The following FBXW7 variants were observed in gnomAD, a reference collection of about 807,000 sequenced individuals.
FBXW7 encodes F-box/WD repeat-containing protein 7.
Under a neutral mutation model 86.3 loss-of-function variants are expected in FBXW7, and 11 were observed. That is an observed-to-expected ratio of 0.13 (90% CI 0.08 to 0.21). FBXW7 has a LOEUF of 0.21. Among genes scored for constraint, FBXW7 ranks in the 10% least tolerant of loss-of-function variants. FBXW7 has a pLI of 1.00. For synonymous variants in FBXW7, 313 were observed against 297.9 expected (o/e 1.05, Z -0.52); for missense variants, 488 against 847.4 (o/e 0.58, Z 5.27).
intron 4 of FBXW7, among the ~76,000 whole-genome samples, chr4:152,370,046 C>G (rs1733872511): frequency 6.6e-6 from 1 of 151,852 alleles, no homozygotes; most frequent in Non-Finnish European, 1.5e-5. Context: ...CTCACAAATT[C>G]AGACAAGATT....
At chr4:152,501,131 T>C (rs1746906850) in intron 2 of FBXW7, among the ~76,000 whole-genome samples, 1 of 152,236 alleles carries the variant, frequency 6.6e-6, no homozygotes, top group Non-Finnish European at 1.5e-5. Flanking sequence ...AAGCCTTTGA[T>C]ATATTAATGT....
At chr4:152,382,306 GT>G in intron 4 of FBXW7, 1 of 1,589,942 alleles carries the variant, frequency 6.3e-7, no homozygotes, top group Non-Finnish European at 8.6e-7. Context: ...CCAAGCCATG[GT>G]TTAGAGTAGG....
intron 4 of FBXW7, among the ~76,000 whole-genome samples, chr4:152,364,180 G>A (rs1733245929): frequency 6.6e-6 from 1 of 152,110 alleles, no homozygotes; most frequent in Non-Finnish European, 1.5e-5. Flanking sequence ...CTTATAATCT[G>A]TGACATTATA....
intron 6 of FBXW7, among the ~76,000 whole-genome samples, chr4:152,342,768 A>G (rs887767824): frequency 1.3e-5 from 2 of 152,252 alleles, no homozygotes; most frequent in Non-Finnish European, 2.9e-5. Context: ...CTCAAAGAAC[A>G]TAATTCAGGT....
At chr4:152,357,157 A>G (rs1732462125) in intron 4 of FBXW7, among the ~76,000 whole-genome samples, 1 of 152,146 alleles carries the variant, frequency 6.6e-6, no homozygotes, top group Non-Finnish European at 1.5e-5. Context: ...CCCAAACACT[A>G]AACACTGTAA....
At chr4:152,436,878 C>T (rs1740429551) in intron 2 of FBXW7, among the ~76,000 whole-genome samples, 1 of 152,164 alleles carries the variant, frequency 6.6e-6, no homozygotes, top group African/African-American at 2.4e-5. Context: ...TGAAAGATTC[C>T]TTTCAAATAT....
intron 4 of FBXW7, among the ~76,000 whole-genome samples, chr4:152,400,031 A>G (rs1468773151): frequency 6.6e-6 from 1 of 152,200 alleles, no homozygotes; most frequent in Non-Finnish European, 1.5e-5. Context: ...TGGGAGATAG[A>G]CACTCTCCAA....
rs561620529 is a variant in FBXW7, at chr4:152,343,556, T to G, written c.726+3374A>C. On this transcript the variant is annotated intron_variant, in intron 6 of 13. Transcript: ENST00000281708. ...TGTTTTTAAGAGACAATGTCAAAAT[T>G]TGAACTAAGAACTTGTCCTTCTATG... Among the ~76,000 whole-genome samples, 3 of 152,304 alleles carry G rather than the reference T, an allele frequency of 2.0e-5. No homozygotes were observed. In the South Asian group the frequency reaches 6.2e-4, roughly 32 times the overall value.
chr4:152,399,655 C>T (rs1163697616), intron 4 of FBXW7, among the ~76,000 whole-genome samples: 2 of 152,102 alleles, frequency 1.3e-5, no homozygotes, highest in African/African-American at 4.8e-5. Context: ...TTTTCCTACA[C>T]ACCAGCAATG....
At chr4:152,521,191 A>T (rs1480111754) in intron 2 of FBXW7, among the ~76,000 whole-genome samples, 1 of 152,182 alleles carries the variant, frequency 6.6e-6, no homozygotes, top group Non-Finnish European at 1.5e-5. Context: ...GAAAAGAAAA[A>T]TACAAATAAG....
At position 152,535,890 on chromosome 4, in the gene FBXW7, GA is replaced by G; in HGVS notation, c.-977del. The G allele has an allele frequency of 2.7e-6, 1 of 370,960 alleles. No homozygotes were observed. Among genetic ancestry groups the G allele is most frequent in the Non-Finnish European group, 4.8e-6 (1 of 208,160 alleles). 23.0% of individuals were successfully genotyped at this position (370,960 alleles called of 1,614,324 possible). On this transcript the variant is annotated 5_prime_UTR_variant, in exon 1 of 14. Transcript: ENST00000281708. ...CTGCCGGCCGGGAAGGTGAGGGGGGGAAAGGAGTGCGGCCGCGGCTCCCGCT... is the reference window on the plus strand; with the variant it reads ...CTGCCGGCCGGGAAGGTGAGGGGGGGAAGGAGTGCGGCCGCGGCTCCCGCT...
At chr4:152,430,491 A>G (rs1466292108) in intron 2 of FBXW7, among the ~76,000 whole-genome samples, 5 of 152,106 alleles carry the variant, frequency 3.3e-5, no homozygotes, top group Admixed American at 3.3e-4. Flanking sequence ...GAAGGTCTTT[A>G]TAAGAAAATC....
At chr4:152,384,682 T>A (rs1212790910) in intron 4 of FBXW7, among the ~76,000 whole-genome samples, 1 of 152,070 alleles carries the variant, frequency 6.6e-6, no homozygotes, top group Admixed American at 6.6e-5. Context: ...AAATTTCATG[T>A]TATGGATATT....
At chr4:152,463,485 T>G (rs1458984935) in intron 2 of FBXW7, among the ~76,000 whole-genome samples, 1 of 152,006 alleles carries the variant, frequency 6.6e-6, no homozygotes, top group Non-Finnish European at 1.5e-5. Context: ...ACAACTAATA[T>G]TAACAAGTGT....
chr4:152,413,534 C>T (rs1035584179), intron 2 of FBXW7, among the ~76,000 whole-genome samples: 8 of 152,174 alleles, frequency 5.3e-5, no homozygotes, highest in Non-Finnish European at 5.9e-5. Flanking sequence ...TCAAGTAAAG[C>T]AGGGACAAGA....
At chr4:152,487,944 C>T (rs1745490753) in intron 2 of FBXW7, among the ~76,000 whole-genome samples, 1 of 151,950 alleles carries the variant, frequency 6.6e-6, no homozygotes, top group Non-Finnish European at 1.5e-5. Context: ...TTAACAGAAG[C>T]AAATTGGCAC....
intron 4 of FBXW7, among the ~76,000 whole-genome samples, chr4:152,368,277 T>A (rs1038762988): frequency 6.6e-6 from 1 of 152,044 alleles, no homozygotes; most frequent in Non-Finnish European, 1.5e-5. Flanking sequence ...AAAGCTAATA[T>A]GAAAACAGCA....
At chr4:152,347,098 GA>G in intron 5 of FBXW7, 27 bp from the exon 6 acceptor site, 1 of 1,562,962 alleles carries the variant, frequency 6.4e-7, no homozygotes, top group South Asian at 1.2e-5. Context: ...AAGAGAGAGA[GA>G]AAGGATAAAA....
chr4:152,462,145 G>A (rs1195428024), intron 2 of FBXW7, among the ~76,000 whole-genome samples: 2 of 152,168 alleles, frequency 1.3e-5, no homozygotes, highest in African/African-American at 2.4e-5. Context: ...GGGTAGTCTG[G>A]TGGTCAGTGA....
Sources: allele counts gnomAD v4.1 joint callset (sites outside exome capture counted in the v4.1 genomes callset), GRCh38; gene constraint gnomAD v4.1.1; transcripts MANE v1.5; gene names NCBI Gene and HGNC (gene_info 2026-07-23, HGNC 2026-07-21).